The following TECRL variants were observed in gnomAD, a reference collection of about 807,000 sequenced individuals.
The protein encoded by TECRL is trans-2,3-enoyl-CoA reductase-like.
In TECRL, 63 loss-of-function variants were observed where a neutral mutation model predicts 52.8. The ratio of observed to expected loss-of-function variants is 1.19; its 90% CI spans 0.97 to 1.47. The LOEUF is 1.47. Among genes scored for constraint, TECRL ranks in the 40% most tolerant of loss-of-function variants. The pLI is 0.00. For missense variants in TECRL, 482 were observed against 429.6 expected (o/e 1.12, Z -1.08); for synonymous variants, 164 against 141.9 (o/e 1.16, Z -1.10).
intron 1 of TECRL, among the ~76,000 whole-genome samples, chr4:64,391,461 ATATG>A (rs1487441019): frequency 6.6e-6 from 1 of 151,876 alleles, no homozygotes; most frequent in Non-Finnish European, 1.5e-5. Context: ...ACTGAGTCCT[ATATG>A]TATTAGGCAA....
intron 2 of TECRL, among the ~76,000 whole-genome samples, chr4:64,361,726 C>T (rs1381049413): frequency 6.6e-6 from 1 of 152,048 alleles, no homozygotes; most frequent in East Asian, 1.9e-4. Flanking sequence ...TGAGAGACAA[C>T]TTCAAAGATT....
intron 6 of TECRL, among the ~76,000 whole-genome samples, chr4:64,307,408 G>C (rs1577841546): frequency 6.6e-6 from 1 of 152,120 alleles, no homozygotes; most frequent in East Asian, 1.9e-4. Flanking sequence ...CTGGTCTGTT[G>C]TTGGAGGTCA....
intron 1 of TECRL, among the ~76,000 whole-genome samples, chr4:64,408,883 G>A (rs1167171260): frequency 1.3e-5 from 2 of 152,062 alleles, no homozygotes; most frequent in African/African-American, 4.8e-5. Context: ...ACCAATGACA[G>A]AACCTCATTA....
intron 1 of TECRL, among the ~76,000 whole-genome samples, chr4:64,393,522 G>A (rs1438281712): frequency 6.6e-6 from 1 of 152,016 alleles, no homozygotes; most frequent in African/African-American, 2.4e-5. Flanking sequence ...TGTAAGAGGA[G>A]TTGTTTTGAT....
At chr4:64,370,276 A>AT (rs996332048) in intron 2 of TECRL, among the ~76,000 whole-genome samples, 4 of 151,904 alleles carry the variant, frequency 2.6e-5, no homozygotes, top group African/African-American at 9.7e-5. Context: ...TGAGAAGACA[A>AT]TTTTTTGGAG....
intron 2 of TECRL, among the ~76,000 whole-genome samples, chr4:64,349,425 C>T (rs1720227018): frequency 6.6e-6 from 1 of 152,120 alleles, no homozygotes; most frequent in Non-Finnish European, 1.5e-5. Flanking sequence ...GCCACCTCCC[C>T]CAGCCTATAA....
intron 3 of TECRL, among the ~76,000 whole-genome samples, chr4:64,323,052 C>A (rs1299537733): frequency 2.0e-5 from 3 of 152,000 alleles, no homozygotes; most frequent in Non-Finnish European, 4.4e-5. Flanking sequence ...CCTATTATTT[C>A]TGAGAACATG....
chr4:64,349,141 T>C (rs1296860797), intron 2 of TECRL, among the ~76,000 whole-genome samples: 2 of 149,078 alleles, frequency 1.3e-5, no homozygotes, highest in Admixed American at 1.3e-4. Context: ...AAACGTTTTT[T>C]TTTTTTTTCA....
chr4:64,338,078 A>G (rs181597130), intron 2 of TECRL, among the ~76,000 whole-genome samples: 36,910 of 152,114 alleles, frequency 0.24, 4,908 homozygotes, highest in African/African-American at 0.33. Flanking sequence ...TGGTACCAAA[A>G]GAGAGATATA....
At chr4:64,367,482 G>A (rs1721679381) in intron 2 of TECRL, among the ~76,000 whole-genome samples, 1 of 151,718 alleles carries the variant, frequency 6.6e-6, no homozygotes, top group Non-Finnish European at 1.5e-5. Context: ...CATGTATGTG[G>A]GCAAAAAACC....
intron 1 of TECRL, among the ~76,000 whole-genome samples, chr4:64,384,411 G>T (rs147403597): frequency 0.012 from 1,877 of 152,190 alleles, 46 homozygotes; most frequent in African/African-American, 0.042. Flanking sequence ...ATATGCAAAT[G>T]AGTGCTGTTA....
intron 8 of TECRL, among the ~76,000 whole-genome samples, chr4:64,292,870 T>G (rs1723467162): frequency 1.3e-5 from 2 of 152,030 alleles, no homozygotes; most frequent in African/African-American, 4.8e-5. Flanking sequence ...TTCCCCATAA[T>G]TAGTAAAAAA....
chr4:64,334,321 G>A (rs900368304), intron 2 of TECRL, among the ~76,000 whole-genome samples: 2 of 152,044 alleles, frequency 1.3e-5, no homozygotes, highest in Non-Finnish European at 1.5e-5. Flanking sequence ...ATACTTCACT[G>A]GGATTAAATA....
In TECRL at chr4:64,308,447, C is replaced by T. The variant is rs940495875; in HGVS notation, c.657+1379G>A. Among the ~76,000 whole-genome samples the T allele has an allele frequency of 7.2e-5, 11 of 152,266 alleles. No individual in the cohort carries two copies. In the East Asian group the frequency reaches 1.2e-3, roughly 16 times the overall value. ...CCAAGATGAAGTATCTATGGCCAAC[C>T]GCAGGCATGTGCCGATGCAACAACC... is the stretch of plus-strand genomic sequence containing the variant. On this transcript the variant is annotated intron_variant, in intron 6 of 11. Transcript: ENST00000381210.
chr4:64,372,435 G>C (rs538114246), intron 2 of TECRL, among the ~76,000 whole-genome samples: 4 of 151,832 alleles, frequency 2.6e-5, no homozygotes, highest in Non-Finnish European at 4.4e-5. Flanking sequence ...CATGAAGAGT[G>C]GTTTTCTCTC....
In TECRL at chr4:64,375,224, C is replaced by T; in HGVS notation, c.235-1G>A. On this transcript the variant is annotated splice_acceptor_variant, in intron 1 of 11. Coordinates refer to ENST00000381210, the MANE Select transcript of TECRL (RefSeq NM_001010874.5). LOFTEE classifies it high-confidence loss of function. ...CATGAATAGTAGATGATTGTGTCAC[C>T]TGAAAAGGAAAAGAAAATAGAGTTA... is the stretch of plus-strand genomic sequence containing the variant. 7.2e-7 allele frequency: 1 copy of T among 1,394,408 alleles called. No individual in the cohort carries two copies. Among genetic ancestry groups the T allele is most frequent in the East Asian group, 2.9e-5 (1 of 35,060 alleles). 86.4% of individuals were successfully genotyped at this position (1,394,408 alleles called of 1,614,324 possible).
At chr4:64,306,808 G>A (rs1464985685) in intron 6 of TECRL, among the ~76,000 whole-genome samples, 1 of 152,178 alleles carries the variant, frequency 6.6e-6, no homozygotes, top group Non-Finnish European at 1.5e-5. Context: ...CACTATGTGA[G>A]AAATCAATTT....
chr4:64,341,837 C>G (rs1719592938), intron 2 of TECRL, among the ~76,000 whole-genome samples: 1 of 152,166 alleles, frequency 6.6e-6, no homozygotes, highest in African/African-American at 2.4e-5. Flanking sequence ...CAGCTGCAGC[C>G]TCACAGAGAG....
In TECRL at chr4:64,309,835, A is replaced by C; in HGVS notation, c.648T>G (p.Asn216Lys). Residue 216 changes from asparagine (N) to lysine (K), a missense_variant, in exon 6 of 12, where the codon AAT becomes AAG. Transcript: ENST00000381210. ...CACAAAGCATCCTCACCATTATCAAATTTTTCAAAGGTGTGTGTCCTGCAG... is the reference window on the plus strand; with the variant it reads ...CACAAAGCATCCTCACCATTATCAACTTTTTCAAAGGTGTGTGTCCTGCAG... ...KVSAGHTPLK[N>K]LIMSCAFYWG... 6.2e-7 allele frequency: 1 copy of C among 1,600,904 alleles called. No individual in the cohort carries two copies. Among genetic ancestry groups the C allele is most frequent in the South Asian group, 1.1e-5 (1 of 90,324 alleles).
Sources: gnomAD v4.1 joint callset for allele counts (sites outside exome capture counted in the v4.1 genomes callset) on GRCh38, gnomAD v4.1.1 for gene constraint, MANE v1.5 for transcripts, NCBI Gene and HGNC (gene_info 2026-07-23, HGNC 2026-07-21) for gene names.